PAH: variants seen among roughly 807,000 people sequenced by gnomAD.
PAH encodes the protein phenylalanine hydroxylase, also known as phenylalanine-4-hydroxylase.
Under a neutral mutation model 62.0 loss-of-function variants are expected in PAH, and 64 were observed. The observed-to-expected ratio is 1.03, with a 90% confidence interval of 0.84 to 1.27. The LOEUF is 1.27. Ranked by LOEUF, PAH falls within the 50% of genes most tolerant of loss-of-function variation. PAH has a pLI of 0.00. For missense variants in PAH, 579 were observed against 542.8 expected (o/e 1.07, Z -0.66); for synonymous variants, 195 against 196.2 (o/e 0.99, Z 0.05).
At chr12:102,866,322 T>C (rs540157184) in intron 5 of PAH, among the ~76,000 whole-genome samples, 1 of 152,284 alleles carries the variant, frequency 6.6e-6, no homozygotes, top group South Asian at 2.1e-4. Context: ...CACCACTGCG[T>C]AATTAGACAA....
chr12:102,889,412 T>C (rs986370732), intron 3 of PAH, among the ~76,000 whole-genome samples: 11 of 139,910 alleles, frequency 7.9e-5, no homozygotes, highest in Non-Finnish European at 1.4e-4. Flanking sequence ...CATAGATAGA[T>C]AGATAGATAG....
At chr12:102,919,084 T>C (rs1264671925), upstream of PAH, among the ~76,000 whole-genome samples, 1 of 152,234 alleles carries the variant, frequency 6.6e-6, no homozygotes, top group South Asian at 2.1e-4. Context: ...CCATGAACTA[T>C]GCACTCCCTT....
rs897042761 is a variant in PAH, at chr12:102,957,560, G to A, written c.-96+635C>T. On this transcript the variant is annotated intron_variant, in intron 1 of 4. Transcript: ENST00000551337. This position sits in a 1 kb window ranked among gnomAD's most constrained non-coding sequence, Gnocchi z 4.1. ...GAGGAAGAGGTAAGAGGAGGGGGGG[G>A]AGTGGGGGCTGCAGCCGCTCGCTGC... 1 of 147,952 alleles carries A rather than the reference G, an allele frequency of 6.8e-6. No individual in the cohort carries two copies. Among genetic ancestry groups the A allele is most frequent in the African/African-American group, 2.5e-5 (1 of 40,362 alleles). The allele number at this position is 147,952 out of a possible 1,614,324, so 9.2% of individuals were successfully genotyped here. A position where few individuals can be genotyped will look rare whatever the true frequency, so the allele number is the denominator to read the frequency against.
exon 1 of PAH, chr12:102,958,358 G>C (rs1212994806): frequency 1.4e-6 from 2 of 1,424,738 alleles, no homozygotes; most frequent in African/African-American, 3.1e-5. Context: ...CCGCAGCCGC[G>C]GCGGCCGCAG....
upstream of PAH, among the ~76,000 whole-genome samples, chr12:102,920,758 T>TAAAA (rs1878530683): frequency 1.3e-5 from 2 of 152,216 alleles, no homozygotes; most frequent in African/African-American, 4.8e-5. Context: ...GCACTATAGA[T>TAAAA]TTACTACAAT....
rs188014119 is a variant in PAH, at chr12:102,944,663, C to G, written c.-96+5926G>C. ...ATTCTGAATTCCTTCTCTATGTTAT[C>G]TTGAATTATGTTGATTTTCCTCAAA... is the stretch of plus-strand genomic sequence containing the variant. On this transcript the variant is annotated intron_variant, in intron 1 of 3. Coordinates refer to the PAH transcript ENST00000546844. 8.3e-4 allele frequency among the ~76,000 whole-genome samples: 127 copies of G among 152,258 alleles called. 1 individual carries two copies. Among genetic ancestry groups the G allele is most frequent in the Non-Finnish European group, 1.4e-3 (93 of 68,012 alleles).
rs550488082 is a variant in PAH, at chr12:102,958,093, A to T, written c.-96+102T>A. The T allele has an allele frequency of 1.3e-4, 66 of 524,334 alleles. No individual in the cohort carries two copies. In the East Asian group the frequency reaches 2.1e-3, roughly 17 times the overall value. 32.5% of individuals were successfully genotyped at this position (524,334 alleles called of 1,614,324 possible). On this transcript the variant is annotated intron_variant, in intron 1 of 4. Coordinates refer to the PAH transcript ENST00000551337. ...GAAGTCTCCCGGGGATTTTGTATAT[A>T]TTTTTTAACTTCCGTCAGGGCTCCC...
chr12:102,953,160 G>A (rs1276045249), upstream of PAH: 2 of 152,172 alleles, frequency 1.3e-5, no homozygotes, highest in African/African-American at 4.8e-5. Flanking sequence ...TTTTCTCAAA[G>A]CATCCATTGC....
chr12:102,860,264 A>G (rs537402423), intron 5 of PAH, among the ~76,000 whole-genome samples: 5 of 152,312 alleles, frequency 3.3e-5, no homozygotes, highest in African/African-American at 1.2e-4. Flanking sequence ...TAGGAATCCA[A>G]CTTACAAGGG....
chr12:102,875,848 A>G (rs1012349182), intron 4 of PAH, among the ~76,000 whole-genome samples: 2 of 152,058 alleles, frequency 1.3e-5, no homozygotes, highest in African/African-American at 4.8e-5. Context: ...CACGTTTGCA[A>G]TTGGGTGCTG....
At chr12:102,864,848 A>G (rs1032161621) in intron 5 of PAH, among the ~76,000 whole-genome samples, 3 of 152,042 alleles carry the variant, frequency 2.0e-5, no homozygotes, top group Non-Finnish European at 4.4e-5. Context: ...ACCCTGAAGT[A>G]AGAGACTATT....
At chr12:102,882,177 C>A (rs1876837876) in intron 3 of PAH, among the ~76,000 whole-genome samples, 1 of 152,184 alleles carries the variant, frequency 6.6e-6, no homozygotes, top group African/African-American at 2.4e-5. Context: ...AAATCCTCTG[C>A]CTCTAGACCC....
At chr12:102,842,727 G>T (rs981801710) in intron 11 of PAH, among the ~76,000 whole-genome samples, 1 of 152,050 alleles carries the variant, frequency 6.6e-6, no homozygotes, top group Non-Finnish European at 1.5e-5. Flanking sequence ...CTTTTCAAAA[G>T]TGCGGATTTC....
intron 5 of PAH, among the ~76,000 whole-genome samples, chr12:102,859,672 C>T (rs1269149382): frequency 6.6e-6 from 1 of 152,136 alleles, no homozygotes; most frequent in Admixed American, 6.5e-5. Context: ...GTTCAACATA[C>T]ACAAATCAAT....
chr12:102,861,015 A>G (rs1197467892), intron 5 of PAH, among the ~76,000 whole-genome samples: 1 of 152,268 alleles, frequency 6.6e-6, no homozygotes, highest in Admixed American at 6.5e-5. Flanking sequence ...GCTTCTGCAC[A>G]GCAAAAGAAA....
chr12:102,945,599 G>A (rs73377923), intron 1 of PAH, among the ~76,000 whole-genome samples: 4,894 of 152,178 alleles, frequency 0.032, 275 homozygotes, highest in African/African-American at 0.11. Flanking sequence ...CCCACAGGGA[G>A]TACTGCCAGG....
chr12:102,950,709 GC>G (rs1447718855), exon 1 of PAH: 2 of 152,212 alleles, frequency 1.3e-5, no homozygotes, highest in Non-Finnish European at 2.9e-5. Flanking sequence ...CCTGTTGAAC[GC>G]AAGAGCATCC....
At chr12:102,937,029 AGG>A (rs1339405150) in intron 1 of PAH, among the ~76,000 whole-genome samples, 1 of 152,178 alleles carries the variant, frequency 6.6e-6, no homozygotes, top group African/African-American at 2.4e-5. Flanking sequence ...TGATTTTATA[AGG>A]GGCTTTTCCC....
intron 8 of PAH, among the ~76,000 whole-genome samples, chr12:102,850,583 G>T (rs557728442): frequency 1.3e-5 from 2 of 152,290 alleles, no homozygotes; most frequent in South Asian, 4.2e-4. Context: ...CTGGTGGAGA[G>T]GGCTTTTGAC....
Sources: allele counts gnomAD v4.1 joint callset (sites outside exome capture counted in the v4.1 genomes callset), GRCh38; gene constraint gnomAD v4.1.1; non-coding constraint Gnocchi (gnomAD v3.1); transcripts MANE v1.5; gene names NCBI Gene and HGNC (gene_info 2026-07-23, HGNC 2026-07-21).